NTRK3: variants seen among roughly 807,000 people sequenced by gnomAD.
The protein encoded by NTRK3 is NT-3 growth factor receptor.
A neutral mutation model predicts 91.7 loss-of-function variants in NTRK3; 24 were observed. That is an observed-to-expected ratio of 0.26 (90% CI 0.19 to 0.37). The LOEUF is 0.37. Ranked by LOEUF, NTRK3 falls within the 10% of genes least tolerant of loss-of-function variation. The pLI, the probability that NTRK3 is intolerant of heterozygous loss-of-function variation, is 1.00. For synonymous variants in NTRK3, 483 were observed against 404.0 expected, an observed-to-expected ratio of 1.20 and a Z score of -2.34; for missense variants, 880 against 1,068.9, an observed-to-expected ratio of 0.82 and a Z score of 2.46.
intron 14 of NTRK3, among the ~76,000 whole-genome samples, chr15:87,960,748 G>A (rs530310107): frequency 2.9e-4 from 44 of 152,268 alleles, no homozygotes; most frequent in African/African-American, 1.0e-3. Flanking sequence ...GCCTCCAAAA[G>A]TGCTGGGATT....
intron 13 of NTRK3, among the ~76,000 whole-genome samples, chr15:88,061,408 G>A (rs888284617): frequency 1.3e-5 from 2 of 152,248 alleles, no homozygotes; most frequent in African/African-American, 4.8e-5. Flanking sequence ...AAGGGACACG[G>A]AATGCTTGTG....
chr15:88,145,481 A>T (rs1228287184), intron 6 of NTRK3, among the ~76,000 whole-genome samples: 1 of 152,146 alleles, frequency 6.6e-6, no homozygotes, highest in Non-Finnish European at 1.5e-5. Flanking sequence ...AGTCACATCT[A>T]ACTCACTGGT....
At chr15:87,897,350 C>T (rs950476604) in intron 17 of NTRK3, among the ~76,000 whole-genome samples, 1 of 152,144 alleles carries the variant, frequency 6.6e-6, no homozygotes, top group Non-Finnish European at 1.5e-5. Flanking sequence ...TCCTTTACTG[C>T]CCCCAAGCAA....
At chr15:88,026,683 A>G (rs989062568) in intron 14 of NTRK3, among the ~76,000 whole-genome samples, 2 of 152,222 alleles carry the variant, frequency 1.3e-5, no homozygotes, top group African/African-American at 4.8e-5. Context: ...CAACTAATAT[A>G]CCATAATTAT....
At chr15:88,072,429 G>A (rs1408105224) in intron 13 of NTRK3, 1 of 224,844 alleles carries the variant, frequency 4.4e-6, no homozygotes, top group Non-Finnish European at 8.9e-6. Context: ...GACACTGAAA[G>A]GCAACTAGCA....
intron 14 of NTRK3, chr15:87,977,770 C>T (rs1345228602): frequency 4.3e-6 from 1 of 232,074 alleles, no homozygotes; most frequent in Non-Finnish European, 8.5e-6. Context: ...ACTTGGAAAG[C>T]CTCATGTTTT....
rs59553739 is a variant in NTRK3 at position 88,197,094 on chromosome 15, CAAAAAAAAAAA to C, written c.249-12806_249-12796del. Reference sequence around the variant, plus strand: ...AGAAGAGGTCTATGGTTGAGCAGGACAAAAAAAAAAAAAAAAAAAAAAAAAAAAAAAAACCT... The same window carrying C: ...AGAAGAGGTCTATGGTTGAGCAGGACAAAAAAAAAAAAAAAAAAAAAACCT... On this transcript the variant is annotated intron_variant, in intron 3 of 18. Coordinates refer to ENST00000394480, the Ensembl canonical transcript of NTRK3. 2.1e-3 allele frequency among the ~76,000 whole-genome samples: 121 copies of C among 56,572 alleles called. 1 individual carries two copies. In the East Asian group the frequency reaches 0.038, roughly 18 times the overall value. The allele number at this position is 56,572 out of a possible 152,430, so 37.1% of individuals were successfully genotyped here. A position where few individuals can be genotyped will look rare whatever the true frequency, so the allele number is the denominator to read the frequency against.
In NTRK3 at chr15:87,976,797, G is replaced by A. The variant is rs55653130; in HGVS notation, c.1586-36044C>T. Among the ~76,000 whole-genome samples the A allele has an allele frequency of 8.5e-5, 13 of 152,246 alleles. No homozygotes were observed. The South Asian group carries it at 1.5e-3, about 17-fold the overall frequency. On this transcript the variant is annotated intron_variant, in intron 14 of 18. Coordinates refer to ENST00000394480, the Ensembl canonical transcript of NTRK3. ...GAATGACAAGTGTGTTGACCTGTAC[G>A]CCCAAAGCCCCGTCTTTCCTTGGGC...
intron 13 of NTRK3, among the ~76,000 whole-genome samples, chr15:88,088,900 C>A (rs2048751940): frequency 6.6e-6 from 1 of 152,120 alleles, no homozygotes; most frequent in African/African-American, 2.4e-5. Flanking sequence ...CCTTCAGTGT[C>A]CCCAGGTATA....
chr15:88,002,673 A>T (rs1567212422), intron 14 of NTRK3, among the ~76,000 whole-genome samples: 1 of 147,018 alleles, frequency 6.8e-6, no homozygotes, highest in African/African-American at 2.7e-5. Flanking sequence ...ACTCAACAGA[A>T]AACATGAGAA....
exon 19 of NTRK3, chr15:87,874,624 A>C (rs2064901826): frequency 4.3e-6 from 1 of 232,652 alleles, no homozygotes; most frequent in Admixed American, 5.6e-5. Context: ...TCAGGAGAGG[A>C]TATGGGAGAA....
At chr15:87,894,994 A>G (rs932879081) in intron 17 of NTRK3, among the ~76,000 whole-genome samples, 5 of 152,072 alleles carry the variant, frequency 3.3e-5, no homozygotes, top group African/African-American at 1.2e-4. Flanking sequence ...GATTCCTGGT[A>G]TATCTTTGTG....
At position 88,135,417 on chromosome 15, in the gene NTRK3, C is replaced by T. The variant is rs768824224; in HGVS notation, c.908-20G>A. 1 of 1,610,954 alleles carries T rather than the reference C, an allele frequency of 6.2e-7. No individual in the cohort carries two copies. The highest frequency in any genetic ancestry group is 2.2e-5 in the East Asian group (1 of 44,844). ...GGGGATCTGTCAAGGGAGAAGCCTGCTGAAATCCAGGACACAGAGTCTACC... is the reference window on the plus strand; with the variant it reads ...GGGGATCTGTCAAGGGAGAAGCCTGTTGAAATCCAGGACACAGAGTCTACC... On this transcript the variant is annotated intron_variant, in intron 9 of 18. Coordinates refer to ENST00000394480, the Ensembl canonical transcript of NTRK3.
At chr15:88,081,784 C>T (rs918028787) in intron 13 of NTRK3, among the ~76,000 whole-genome samples, 4 of 152,188 alleles carry the variant, frequency 2.6e-5, no homozygotes. Context: ...TGGTAACAGC[C>T]CCCAACCTCC....
At chr15:88,104,486 C>T (rs1235009716) in intron 13 of NTRK3, among the ~76,000 whole-genome samples, 1 of 152,206 alleles carries the variant, frequency 6.6e-6, no homozygotes, top group African/African-American at 2.4e-5. Flanking sequence ...CTAAAGATTA[C>T]AGCTGCTGGC....
rs2051567503 is a variant in NTRK3 at position 88,235,040 on chromosome 15, T to C, written c.248+20866A>G. Among the ~76,000 whole-genome samples, 2 of 152,010 alleles carry C rather than the reference T, an allele frequency of 1.3e-5. No individual in the cohort carries two copies. Among genetic ancestry groups the C allele is most frequent in the Admixed American group, 6.6e-5 (1 of 15,264 alleles). ...GACAGATCGAAGCTGGACAATCCATTCTCCGAGAGCCCAGACGCCCTACCC... is the reference window on the plus strand; with the variant it reads ...GACAGATCGAAGCTGGACAATCCATCCTCCGAGAGCCCAGACGCCCTACCC... On this transcript the variant is annotated intron_variant, in intron 3 of 18. Coordinates refer to ENST00000394480, the Ensembl canonical transcript of NTRK3. This position sits in a 1 kb window ranked among gnomAD's most constrained non-coding sequence, Gnocchi z 5.2.
chr15:88,031,756 C>G (rs2078559045), intron 14 of NTRK3, among the ~76,000 whole-genome samples: 1 of 152,100 alleles, frequency 6.6e-6, no homozygotes, highest in African/African-American at 2.4e-5. Flanking sequence ...AGCCCAGTGC[C>G]CACTCTGCTG....
chr15:88,028,210 AG>A (rs1002270026), intron 14 of NTRK3, among the ~76,000 whole-genome samples: 2 of 152,108 alleles, frequency 1.3e-5, no homozygotes, highest in African/African-American at 4.8e-5. Context: ...GTCCTGCAGC[AG>A]GGGGCGCCAT....
intron 14 of NTRK3, among the ~76,000 whole-genome samples, chr15:88,004,687 G>C (rs1377090622): frequency 6.6e-6 from 1 of 152,220 alleles, no homozygotes; most frequent in Non-Finnish European, 1.5e-5. Flanking sequence ...AGGGAAGTTT[G>C]AGGGAAGAGA....
Sources: gnomAD v4.1 joint callset for allele counts (sites outside exome capture counted in the v4.1 genomes callset) on GRCh38, gnomAD v4.1.1 for gene constraint, Gnocchi (gnomAD v3.1) non-coding constraint, MANE v1.5 for transcripts, NCBI Gene and HGNC (gene_info 2026-07-23, HGNC 2026-07-21) for gene names.